The following LPIN1 variants were observed in gnomAD, a reference collection of about 807,000 sequenced individuals.
LPIN1 encodes the protein phosphatidate phosphatase LPIN1.
In LPIN1, 71 loss-of-function variants were observed where a neutral mutation model predicts 107.5. The ratio of observed to expected loss-of-function variants is 0.66; its 90% CI spans 0.55 to 0.80. The LOEUF is 0.80. LPIN1 is among the 30% of genes least tolerant of loss of function. The probability of loss-of-function intolerance (pLI) is 0.00; values close to 1 mark genes in which losing one functional copy is unlikely to be tolerated. For synonymous variants in LPIN1, 445 were observed against 452.6 expected (o/e 0.98, Z 0.21); for missense variants, 1,043 against 1,160.6 (o/e 0.90, Z 1.47).
chr2:11,766,511 C>T (rs1670916583), intron 2 of LPIN1, among the ~76,000 whole-genome samples: 2 of 152,108 alleles, frequency 1.3e-5, no homozygotes, highest in South Asian at 4.1e-4. Context: ...TGTCTGGGGT[C>T]ACAGAATCTA....
At position 11,773,656 on chromosome 2, in the gene LPIN1, T is replaced by A; in HGVS notation, c.633T>A (p.Asp211Glu). 1 of 1,612,040 alleles carries A rather than the reference T, an allele frequency of 6.2e-7. No homozygotes were observed. The highest frequency in any genetic ancestry group is 1.1e-5 in the South Asian group (1 of 91,020). ...ATGATATACCTCCATTCCAAGATGA[T>A]ATTCCTGAGGAAAACCTCTCCCTGG... ...LPNDIPPFQD[D>E]IPEENLSLAV... Residue 211 changes from aspartate to glutamate, a missense_variant, in exon 5 of 21, where the codon GAT (aspartate) becomes GAA (glutamate). Physicochemically the swap from Asp to Glu is conservative, Grantham distance 45. Transcript: ENST00000674199.
At chr2:11,689,812 G>A (rs1662183160) in intron 1 of LPIN1, among the ~76,000 whole-genome samples, 1 of 152,200 alleles carries the variant, frequency 6.6e-6, no homozygotes, top group African/African-American at 2.4e-5. Context: ...GGCTGAGGAG[G>A]GAGAATCTCT....
chr2:11,788,404 C>T lies in LPIN1; in HGVS notation c.1661C>T (p.Thr554Ile). The T allele has an allele frequency of 1.2e-6, 2 of 1,613,756 alleles. No individual in the cohort carries two copies. Among genetic ancestry groups the T allele is most frequent in the Non-Finnish European group, 1.7e-6 (2 of 1,179,626 alleles). ...TGTGTTAGATATTATAACTGGACAA[C>T]AGCAGCACCCCTCCTCCTGGCAATG... ...KIGSKYYNWT[T>I]AAPLLLAMQA... Residue 554 changes from threonine (T) to isoleucine (I), a missense_variant, in exon 12 of 21, where the codon ACA becomes ATA. Coordinates refer to ENST00000674199, the MANE Select transcript of LPIN1 (RefSeq NM_001349206.2).
upstream of LPIN1, among the ~76,000 whole-genome samples, chr2:11,742,865 C>CGGCCT (rs1250337212): frequency 2.0e-5 from 3 of 152,260 alleles, no homozygotes; most frequent in African/African-American, 7.2e-5. Flanking sequence ...CGGCCAGCCA[C>CGGCCT]GGCCTTCTTT....
At chr2:11,780,854 T>C (rs1162956596) in intron 7 of LPIN1, among the ~76,000 whole-genome samples, 1 of 152,244 alleles carries the variant, frequency 6.6e-6, no homozygotes, top group Non-Finnish European at 1.5e-5. Flanking sequence ...TCTCCTTGGC[T>C]GTGGTACATG....
chr2:11,725,962 G>A (rs2148540244), intron 1 of LPIN1, among the ~76,000 whole-genome samples: 1 of 152,316 alleles, frequency 6.6e-6, no homozygotes, highest in East Asian at 1.9e-4. Context: ...TTAACGCACG[G>A]CAGAGAGGCT....
At chr2:11,805,766 C>T (rs1678564648) in intron 17 of LPIN1, among the ~76,000 whole-genome samples, 1 of 152,218 alleles carries the variant, frequency 6.6e-6, no homozygotes, top group Non-Finnish European at 1.5e-5. Context: ...CTGAAAAGCA[C>T]ATAATATCAT....
chr2:11,800,096 C>T (rs1677426929), intron 14 of LPIN1, among the ~76,000 whole-genome samples: 1 of 152,192 alleles, frequency 6.6e-6, no homozygotes, highest in East Asian at 1.9e-4. Flanking sequence ...GTCTTCAGCC[C>T]AGGTCTCTGT....
In LPIN1 at chr2:11,819,138, A is replaced by G. The variant is rs57450916; in HGVS notation, c.2403-346A>G. 15,037 of 264,190 alleles carry G rather than the reference A, an allele frequency of 0.057. 1,211 individuals carry two copies. Among genetic ancestry groups the G allele is most frequent in the African/African-American group, 0.2 (8,853 of 43,668 alleles). The allele number at this position is 264,190 out of a possible 1,614,324, so 16.4% of individuals were successfully genotyped here. On this transcript the variant is annotated intron_variant, in intron 18 of 20. Transcript: ENST00000674199. ...TGAGATTGGTCCACACTTTGCCCAT[A>G]CTTTCTTTTTTTAGGTTTTGTTTTT...
intron 1 of LPIN1, among the ~76,000 whole-genome samples, chr2:11,733,593 G>C (rs1665490805): frequency 6.6e-6 from 1 of 151,782 alleles, no homozygotes; most frequent in Non-Finnish European, 1.5e-5. Context: ...CTGGGTTCAA[G>C]CAATTCTCCT....
At chr2:11,720,382 C>T (rs143924444), upstream of LPIN1, among the ~76,000 whole-genome samples, 625 of 152,254 alleles carry the variant, frequency 4.1e-3, 7 homozygotes, top group African/African-American at 0.014. Context: ...TCTCTTCCCT[C>T]CTATAGCATC....
At chr2:11,746,931 G>T (rs1558789058) in intron 1 of LPIN1, among the ~76,000 whole-genome samples, 1 of 152,206 alleles carries the variant, frequency 6.6e-6, no homozygotes, top group Non-Finnish European at 1.5e-5. Context: ...CTGACGCGCC[G>T]CGAGGCCCGG....
chr2:11,820,633 T>C (rs1681349010), intron 20 of LPIN1, 119 bp downstream of exon 20: 2 of 702,558 alleles, frequency 2.8e-6, no homozygotes, highest in Non-Finnish European at 5.0e-6. Context: ...CTGTAATTCT[T>C]ATAATGAAAA....
chr2:11,746,732 C>T (rs1161497298), intron 1 of LPIN1, 61 bp downstream of exon 1: 34 of 877,956 alleles, frequency 3.9e-5, no homozygotes, highest in Non-Finnish European at 4.6e-5. Context: ...TCGGGTTAGG[C>T]GGGGCGGGGC....
At chr2:11,686,667 G>C (rs553698939) in intron 1 of LPIN1, among the ~76,000 whole-genome samples, 4 of 152,114 alleles carry the variant, frequency 2.6e-5, no homozygotes, top group African/African-American at 9.7e-5. Flanking sequence ...CTTCTCATGC[G>C]AGCGAGCAAC....
rs143201920 is a variant in LPIN1 at position 11,765,540 on chromosome 2, C to T, written c.-2C>T. ...TTTTTGTCTGTTTTCCAGGTGCAGA[C>T]CATGAATTACGTGGGGCAGTTAGCC... is the stretch of plus-strand genomic sequence containing the variant. On this transcript the variant is annotated 5_prime_UTR_variant, in exon 2 of 21. Transcript: ENST00000674199. The surrounding 1 kb of genome is among the most constrained non-coding windows in gnomAD (Gnocchi z 4.4). 3.0e-5 allele frequency: 49 copies of T among 1,613,368 alleles called. No homozygotes were observed. Among genetic ancestry groups the T allele is most frequent in the Non-Finnish European group, 3.9e-5 (46 of 1,179,562 alleles).
At chr2:11,801,785 A>G (rs1196824268) in intron 14 of LPIN1, among the ~76,000 whole-genome samples, 1 of 152,178 alleles carries the variant, frequency 6.6e-6, no homozygotes, top group Non-Finnish European at 1.5e-5. Context: ...AGAAATGATA[A>G]CTGTTTGGGG....
At chr2:11,795,755 T>C (rs1676598326) in intron 14 of LPIN1, among the ~76,000 whole-genome samples, 1 of 152,232 alleles carries the variant, frequency 6.6e-6, no homozygotes, top group Non-Finnish European at 1.5e-5. Context: ...TGGCATGCAA[T>C]AGTCCTTTAT....
At chr2:11,820,757 A>G (rs979563163) in intron 20 of LPIN1, among the ~76,000 whole-genome samples, 1 of 152,240 alleles carries the variant, frequency 6.6e-6, no homozygotes. Flanking sequence ...CTGCTACAGA[A>G]TGGAATTGAA....
Sources: allele counts gnomAD v4.1 joint callset (sites outside exome capture counted in the v4.1 genomes callset), GRCh38; gene constraint gnomAD v4.1.1; non-coding constraint Gnocchi (gnomAD v3.1); transcripts MANE v1.5; gene names NCBI Gene and HGNC (gene_info 2026-07-23, HGNC 2026-07-21).